The following PKIA variants were observed in gnomAD, a reference collection of about 807,000 sequenced individuals.
PKIA encodes PKI-alpha.
In PKIA, 4 loss-of-function variants were observed where a neutral mutation model predicts 7.6. The ratio of observed to expected loss-of-function variants is 0.52; its 90% CI spans 0.26 to 1.20. PKIA has a LOEUF of 1.20. PKIA is among the 50% of genes most tolerant of loss of function. PKIA has a pLI of 0.13. For missense variants in PKIA, 73 were observed against 86.2 expected, an observed-to-expected ratio of 0.85 and a Z score of 0.61; for synonymous variants, 21 against 30.7, an observed-to-expected ratio of 0.68 and a Z score of 1.04.
chr8:78,581,786 T>C (rs1012527811), intron 2 of PKIA, among the ~76,000 whole-genome samples: 10 of 152,086 alleles, frequency 6.6e-5, no homozygotes, highest in Admixed American at 6.6e-4. Context: ...AAGGGCATTA[T>C]TGGGATAATT....
chr8:78,552,330 A>T (rs991768781), intron 1 of PKIA, among the ~76,000 whole-genome samples: 13 of 88,718 alleles, frequency 1.5e-4, no homozygotes, highest in Admixed American at 2.3e-4. Context: ...CCATTTTCTT[A>T]AAAAAAAAAA....
At chr8:78,575,784 T>C (rs1346733380) in intron 2 of PKIA, among the ~76,000 whole-genome samples, 1 of 152,064 alleles carries the variant, frequency 6.6e-6, no homozygotes, top group Non-Finnish European at 1.5e-5. Flanking sequence ...TCACCAGTTA[T>C]ATCAGCCAAT....
At chr8:78,574,584 C>T (rs182847255) in intron 2 of PKIA, among the ~76,000 whole-genome samples, 1 of 152,090 alleles carries the variant, frequency 6.6e-6, no homozygotes, top group African/African-American at 2.4e-5. Flanking sequence ...CACACACACT[C>T]TCCCAGGTGT....
intron 2 of PKIA, among the ~76,000 whole-genome samples, chr8:78,596,296 T>G (rs188671934): frequency 1.2e-4 from 19 of 152,282 alleles, no homozygotes; most frequent in South Asian, 6.2e-4. Flanking sequence ...TGGAGTGCAA[T>G]GGGCGTGATC....
chr8:78,522,888 A>G lies in PKIA; in HGVS notation c.-157+6420A>G, dbSNP rs1809444001. Reference sequence around the variant, plus strand: ...ATTTTTTTTTCTTAGTTTCTCTTTAATGTATTATTTTTAGTTTATTCTGAA... The same window carrying G: ...ATTTTTTTTTCTTAGTTTCTCTTTAGTGTATTATTTTTAGTTTATTCTGAA... On this transcript the variant is annotated intron_variant, in intron 1 of 3. Transcript: ENST00000396418. 2.0e-5 allele frequency among the ~76,000 whole-genome samples: 3 copies of G among 151,750 alleles called. 1 individual carries two copies. In the South Asian group the frequency reaches 6.2e-4, roughly 31 times the overall value.
Position 78,602,566 on chromosome 8 carries a change from T to C in PKIA, c.*745T>C, listed in dbSNP as rs1808373523. The C allele has an allele frequency of 6.6e-6, 1 of 152,200 alleles. No individual in the cohort carries two copies. Among genetic ancestry groups the C allele is most frequent in the Non-Finnish European group, 1.5e-5 (1 of 67,904 alleles). 9.4% of individuals were successfully genotyped at this position (152,200 alleles called of 1,614,324 possible). A position where few individuals can be genotyped will look rare whatever the true frequency, so the allele number is the denominator to read the frequency against. ...GATTCATCAAGACTCCATTGCTTTATTATAGAGACATTTGAAAATATCCAT... is the reference window on the plus strand; with the variant it reads ...GATTCATCAAGACTCCATTGCTTTACTATAGAGACATTTGAAAATATCCAT... On this transcript the variant is annotated 3_prime_UTR_variant, in exon 4 of 4. Transcript: ENST00000396418.
chr8:78,602,694 A>AATATATATATAT lies in PKIA; in HGVS notation c.*882_*893dup, dbSNP rs34597437. Reference sequence around the variant, plus strand: ...CTCAAGTGGAGAACTTCTCCCACATAATATATATATATATATATATTTTAA... The same window carrying AATATATATATAT: ...CTCAAGTGGAGAACTTCTCCCACATAATATATATATATATATATATATATATATATATTTTAA... On this transcript the variant is annotated 3_prime_UTR_variant, in exon 4 of 4. Coordinates refer to ENST00000396418, the MANE Select transcript of PKIA (RefSeq NM_006823.4). The AATATATATATAT allele has an allele frequency of 2.4e-4, 33 of 136,976 alleles. 1 individual carries two copies. The highest frequency in any genetic ancestry group is 1.7e-3 in the Admixed American group (24 of 13,980). 8.5% of individuals were successfully genotyped at this position (136,976 alleles called of 1,614,324 possible). A position where few individuals can be genotyped will look rare whatever the true frequency, so the allele number is the denominator to read the frequency against.
At chr8:78,551,828 T>C (rs1806991270) in intron 1 of PKIA, among the ~76,000 whole-genome samples, 1 of 152,046 alleles carries the variant, frequency 6.6e-6, no homozygotes, top group Non-Finnish European at 1.5e-5. Context: ...GATTCTTTGC[T>C]AATGAAATAT....
rs6995601 is a variant in PKIA, at chr8:78,602,856, T to C, written c.*1035T>C. ...CTATTTAAATTTGGAGGACAACTTATCTTCACTAAGCTGAATCAGGTGGAG... is the reference window on the plus strand; with the variant it reads ...CTATTTAAATTTGGAGGACAACTTACCTTCACTAAGCTGAATCAGGTGGAG... On this transcript the variant is annotated 3_prime_UTR_variant, in exon 4 of 4. Coordinates refer to ENST00000396418, the MANE Select transcript of PKIA (RefSeq NM_006823.4). 2.5e-3 allele frequency: 375 copies of C among 152,422 alleles called. No individual in the cohort carries two copies. Among genetic ancestry groups the C allele is most frequent in the African/African-American group, 8.6e-3 (358 of 41,528 alleles). 9.4% of individuals were successfully genotyped at this position (152,422 alleles called of 1,614,324 possible). A position where few individuals can be genotyped will look rare whatever the true frequency, so the allele number is the denominator to read the frequency against.
intron 1 of PKIA, among the ~76,000 whole-genome samples, chr8:78,517,142 C>T (rs1809331749): frequency 6.6e-6 from 1 of 152,186 alleles, no homozygotes; most frequent in African/African-American, 2.4e-5. Flanking sequence ...TCTTATCCAC[C>T]ACCTGGGTTC....
At chr8:78,577,154 G>A (rs146771344) in intron 2 of PKIA, among the ~76,000 whole-genome samples, 2 of 151,790 alleles carry the variant, frequency 1.3e-5, no homozygotes, top group African/African-American at 2.4e-5. Context: ...TGTGCACAAC[G>A]TGCAGGTTTG....
At chr8:78,568,340 A>G (rs1807466547) in intron 1 of PKIA, among the ~76,000 whole-genome samples, 1 of 152,064 alleles carries the variant, frequency 6.6e-6, no homozygotes. Context: ...AATCGTAATA[A>G]CCTTGTGAAC....
chr8:78,561,820 A>C (rs1355849661), intron 1 of PKIA, among the ~76,000 whole-genome samples: 1 of 152,208 alleles, frequency 6.6e-6, no homozygotes, highest in African/African-American at 2.4e-5. Context: ...AAATTCATGT[A>C]ACATGGGATA....
rs1366526237 is a variant in PKIA, at chr8:78,604,743, C to T, written c.*2922C>T. The T allele has an allele frequency of 1.3e-5, 2 of 151,866 alleles. No individual in the cohort carries two copies. The highest frequency in any genetic ancestry group is 2.9e-5 in the Non-Finnish European group (2 of 67,918). The allele number at this position is 151,866 out of a possible 1,614,324, so 9.4% of individuals were successfully genotyped here. A position where few individuals can be genotyped will look rare whatever the true frequency, so the allele number is the denominator to read the frequency against. On this transcript the variant is annotated 3_prime_UTR_variant, in exon 4 of 4. Transcript: ENST00000396418. ...TTACCAACAAACATGGGGACTTTGGCTTTTTGACTTATTTGCAACAAGCAT... is the reference window on the plus strand; with the variant it reads ...TTACCAACAAACATGGGGACTTTGGTTTTTTGACTTATTTGCAACAAGCAT...
At chr8:78,600,747 G>A (rs1225285237) in intron 3 of PKIA, among the ~76,000 whole-genome samples, 2 of 151,974 alleles carry the variant, frequency 1.3e-5, no homozygotes, top group Non-Finnish European at 2.9e-5. Context: ...TAGAAGAATT[G>A]GTTTTAATTT....
intron 2 of PKIA, among the ~76,000 whole-genome samples, chr8:78,575,287 G>T (rs1366751377): frequency 1.3e-5 from 2 of 151,764 alleles, no homozygotes; most frequent in African/African-American, 2.4e-5. Flanking sequence ...CATAAAAAGT[G>T]TAACTCTGCT....
chr8:78,550,884 CTCCCACT>C (rs1428974181), intron 1 of PKIA, among the ~76,000 whole-genome samples: 1 of 152,042 alleles, frequency 6.6e-6, no homozygotes, highest in African/African-American at 2.4e-5. Flanking sequence ...CATAGCTTAG[CTCCCACT>C]TATGCGTGAG....
At chr8:78,537,349 C>A (rs1806554715) in intron 1 of PKIA, among the ~76,000 whole-genome samples, 2 of 151,888 alleles carry the variant, frequency 1.3e-5, no homozygotes, top group African/African-American at 2.4e-5. Context: ...GACTTTGAAG[C>A]TTAACTGACT....
chr8:78,583,849 A>G (rs1286157383), intron 2 of PKIA, among the ~76,000 whole-genome samples: 2 of 152,066 alleles, frequency 1.3e-5, no homozygotes, highest in African/African-American at 4.8e-5. Context: ...CCCACTGCTC[A>G]AAGTCATCAC....
Sources: allele counts gnomAD v4.1 joint callset (sites outside exome capture counted in the v4.1 genomes callset), GRCh38; gene constraint gnomAD v4.1.1; transcripts MANE v1.5; gene names NCBI Gene and HGNC (gene_info 2026-07-23, HGNC 2026-07-21).